The following CELF2 variants were observed in gnomAD, a reference collection of about 807,000 sequenced individuals.
The protein encoded by CELF2 is CUGBP Elav-like family member 2, also known as CUG triplet repeat RNA-binding protein 2.
A neutral mutation model predicts 62.6 loss-of-function variants in CELF2; 8 were observed. The observed-to-expected ratio is 0.13, with a 90% CI of 0.07 to 0.23. The LOEUF (loss-of-function observed/expected upper bound fraction) is 0.23. CELF2 is among the 10% of genes least tolerant of loss of function. CELF2 has a pLI of 1.00. For synonymous variants in CELF2, 258 were observed against 250.0 expected (o/e 1.03, Z -0.30); for missense variants, 333 against 671.0 (o/e 0.50, Z 5.56).
the CELF2 span, among the ~76,000 whole-genome samples, chr10:10,756,582 T>C: frequency 6.6e-6 from 1 of 152,230 alleles, no homozygotes; most frequent in African/African-American, 2.4e-5. Context: ...TAGATTCCCA[T>C]TGACTAGGTC....
chr10:11,167,466 C>T (rs2067556733), intron 2 of CELF2, among the ~76,000 whole-genome samples: 1 of 152,216 alleles, frequency 6.6e-6, no homozygotes, highest in African/African-American at 2.4e-5. Flanking sequence ...GGTCAGAGCT[C>T]ACTTACTGTT....
chr10:11,197,062 G>GAAAGAAAGAAAGAAAGAA (rs1565233992), intron 2 of CELF2, among the ~76,000 whole-genome samples: 1 of 103,034 alleles, frequency 9.7e-6, no homozygotes, highest in East Asian at 2.1e-4. Context: ...AGAAAGAAAA[G>GAAAGAAAGAAAGAAAGAA]AAAGAAAGGA....
At chr10:10,564,654 ACACACACACACACACACACGCACACACG>A in the CELF2 span, among the ~76,000 whole-genome samples, 2 of 120,096 alleles carry the variant, frequency 1.7e-5, no homozygotes, top group Non-Finnish European at 3.3e-5. Context: ...ACACACACAC[ACACACACACACACACACACGCACACACG>A]CACACACACA....
At chr10:11,050,003 G>A (rs1370035753) in intron 1 of CELF2, among the ~76,000 whole-genome samples, 4 of 152,172 alleles carry the variant, frequency 2.6e-5, no homozygotes, top group Non-Finnish European at 5.9e-5. Flanking sequence ...TGCCACCTGT[G>A]GCCTGTCAGG....
At chr10:10,655,748 A>T in the CELF2 span, among the ~76,000 whole-genome samples, 1 of 133,364 alleles carries the variant, frequency 7.5e-6, no homozygotes, top group Non-Finnish European at 1.7e-5. Flanking sequence ...CTTAAACGTT[A>T]GACCTAAAAC....
At chr10:10,678,548 C>T in the CELF2 span, among the ~76,000 whole-genome samples, 4 of 152,142 alleles carry the variant, frequency 2.6e-5, no homozygotes, top group Admixed American at 1.3e-4. Flanking sequence ...TCCAGCCTCA[C>T]CAAAGTCAAT....
In CELF2 at chr10:10,799,817, G is replaced by A. The variant is rs1026339628; in HGVS notation, c.53+1000G>A. On this transcript the variant is annotated intron_variant, in intron 1 of 13. Coordinates refer to the CELF2 transcript ENST00000636488. Reference sequence around the variant, plus strand: ...AGTTAATTCTTGGGCTTCACTGACTGTAAATGGTATTTCCTAGCAAATGCG... The same window carrying A: ...AGTTAATTCTTGGGCTTCACTGACTATAAATGGTATTTCCTAGCAAATGCG... 9.8e-5 allele frequency among the ~76,000 whole-genome samples: 15 copies of A among 152,310 alleles called. No individual in the cohort carries two copies. The East Asian group carries it at 2.9e-3, about 29-fold the overall frequency.
In CELF2 at chr10:11,328,794, G is replaced by A. The variant is rs905510798; in HGVS notation, c.1439-132G>A. 1.5e-4 allele frequency: 152 copies of A among 993,458 alleles called. No individual in the cohort carries two copies. The highest frequency in any genetic ancestry group is 8.3e-4 in the African/African-American group (51 of 61,170). The allele number at this position is 993,458 out of a possible 1,614,324, so 61.5% of individuals were successfully genotyped here. On this transcript the variant is annotated intron_variant, in intron 12 of 12. Coordinates refer to ENST00000633077, the MANE Select transcript of CELF2 (RefSeq NM_001326342.2). The surrounding 1 kb of genome is among the most constrained non-coding windows in gnomAD (Gnocchi z 6.4). Reference sequence around the variant, plus strand: ...TCACGGTGGACTCACGATCAGTTCCGCAGAGCTGTGCTGGGCCCGTGGGGC... The same window carrying A: ...TCACGGTGGACTCACGATCAGTTCCACAGAGCTGTGCTGGGCCCGTGGGGC...
chr10:10,616,691 C>CGT, the CELF2 span, among the ~76,000 whole-genome samples: 2,887 of 134,446 alleles, frequency 0.021, 87 homozygotes, highest in Admixed American at 0.08. Flanking sequence ...TGTGTGTGTG[C>CGT]GTGTGTGTGT....
intron 1 of CELF2, among the ~76,000 whole-genome samples, chr10:10,837,517 C>G (rs1412102883): frequency 6.6e-6 from 1 of 152,174 alleles, no homozygotes; most frequent in African/African-American, 2.4e-5. Context: ...TTCTATCACC[C>G]TTGTAGTGGC....
chr10:10,491,111 T>C, the CELF2 span, among the ~76,000 whole-genome samples: 1 of 152,212 alleles, frequency 6.6e-6, no homozygotes, highest in African/African-American at 2.4e-5. Context: ...CCTCCTCCTC[T>C]GAACCAGCTT....
intron 1 of CELF2, among the ~76,000 whole-genome samples, chr10:11,121,054 T>G (rs1165996684): frequency 2.0e-5 from 3 of 152,222 alleles, no homozygotes; most frequent in Non-Finnish European, 4.4e-5. Context: ...GGCATGTTCC[T>G]GTCGTGGACA....
At chr10:10,752,174 C>T in the CELF2 span, among the ~76,000 whole-genome samples, 1 of 152,188 alleles carries the variant, frequency 6.6e-6, no homozygotes, top group African/African-American at 2.4e-5. Context: ...GTACTCCTCC[C>T]AGGAGAGAGT....
chr10:10,544,477 A>C, the CELF2 span, among the ~76,000 whole-genome samples: 8 of 152,258 alleles, frequency 5.3e-5, no homozygotes, highest in East Asian at 1.5e-3. Flanking sequence ...TAATACCTGC[A>C]TATCTACATA....
chr10:11,193,177 C>T (rs1418962036), intron 2 of CELF2, among the ~76,000 whole-genome samples: 1 of 152,186 alleles, frequency 6.6e-6, no homozygotes, highest in Admixed American at 6.5e-5. Context: ...TCATCATAGT[C>T]CTTCCTTTGG....
chr10:10,832,749 GTGTCT>G (rs1030855149), intron 1 of CELF2, among the ~76,000 whole-genome samples: 7 of 152,086 alleles, frequency 4.6e-5, no homozygotes, highest in African/African-American at 1.7e-4. Flanking sequence ...CCCTTCCCCA[GTGTCT>G]TGTTTTTAAA....
In CELF2 at chr10:11,145,551, TTC is replaced by T. The variant is rs2062109340; in HGVS notation, c.75-19932_75-19931del. Among the ~76,000 whole-genome samples, 2 of 152,220 alleles carry T rather than the reference TTC, an allele frequency of 1.3e-5. No homozygotes were observed. Among genetic ancestry groups the T allele is most frequent in the African/African-American group, 4.8e-5 (2 of 41,452 alleles). ...ATAGAATTTTTCTGGGAAATCTATA[TTC>T]TCAAATCAGCTACTGAAAAGGGTGG... On this transcript the variant is annotated intron_variant, in intron 1 of 12. Transcript: ENST00000633077. This position sits in a 1 kb window ranked among gnomAD's most constrained non-coding sequence, Gnocchi z 4.3.
Position 11,291,000 on chromosome 10 carries a change from A to G in CELF2, c.976+2448A>G, listed in dbSNP as rs534989317. 1.3e-5 allele frequency among the ~76,000 whole-genome samples: 2 copies of G among 152,310 alleles called. No homozygotes were observed. The highest frequency in any genetic ancestry group is 4.1e-4 in the South Asian group (2 of 4,828). ...AAAATGTGGTTAGTAGAATTCATGA[A>G]TCTCCACTTCATCAAGGCAGTTTCC... On this transcript the variant is annotated intron_variant, in intron 9 of 12. Coordinates refer to ENST00000633077, the MANE Select transcript of CELF2 (RefSeq NM_001326342.2). The surrounding 1 kb of genome is among the most constrained non-coding windows in gnomAD (Gnocchi z 4.3).
At chr10:10,727,211 G>C in the CELF2 span, among the ~76,000 whole-genome samples, 1 of 152,172 alleles carries the variant, frequency 6.6e-6, no homozygotes, top group Non-Finnish European at 1.5e-5. Flanking sequence ...AAATGCTGTT[G>C]ATTTCCCACC....
Sources: gnomAD v4.1 joint callset for allele counts (sites outside exome capture counted in the v4.1 genomes callset) on GRCh38, gnomAD v4.1.1 for gene constraint, Gnocchi (gnomAD v3.1) non-coding constraint, MANE v1.5 for transcripts, NCBI Gene and HGNC (gene_info 2026-07-23, HGNC 2026-07-21) for gene names.